The following JAG1 variants were observed in gnomAD, a reference collection of about 807,000 sequenced individuals.
JAG1 encodes the protein protein jagged-1.
In JAG1, 23 loss-of-function variants were observed where a neutral mutation model predicts 148.7. That is an observed-to-expected ratio of 0.15 (90% CI 0.11 to 0.22). The LOEUF (loss-of-function observed/expected upper bound fraction) is 0.22. JAG1 is among the 10% of genes least tolerant of loss of function. The pLI is 1.00. For synonymous variants in JAG1, 572 were observed against 598.3 expected, an observed-to-expected ratio of 0.96 and a Z score of 0.64; for missense variants, 1,054 against 1,611.2, an observed-to-expected ratio of 0.65 and a Z score of 5.92.
chr20:10,643,687 G>T (rs1392638792), intron 20 of JAG1, 91 bp downstream of exon 20: 5 of 979,154 alleles, frequency 5.1e-6, no homozygotes, highest in Non-Finnish European at 8.1e-6. Context: ...AAAGGGAATG[G>T]TGGCTTTGTT....
rs1351759963 is a variant in JAG1 at position 10,638,197 on chromosome 20, T to A, written c.*1301A>T. On this transcript the variant is annotated 3_prime_UTR_variant, in exon 26 of 26. Transcript: ENST00000254958. ...ATTTCCTCACTTAAGGCAGGCAGTG[T>A]ACTCTATGGCAAATCTAAACAGTGA... 6.6e-6 allele frequency: 1 copy of A among 152,600 alleles called. No individual in the cohort carries two copies. Among genetic ancestry groups the A allele is most frequent in the Non-Finnish European group, 1.5e-5 (1 of 68,020 alleles). 9.5% of individuals were successfully genotyped at this position (152,600 alleles called of 1,614,324 possible).
chr20:10,657,438 TC>T, intron 4 of JAG1, among the ~76,000 whole-genome samples: 1 of 152,174 alleles, frequency 6.6e-6, no homozygotes, highest in East Asian at 1.9e-4. Flanking sequence ...GTTAATGAAT[TC>T]CCCTTTTCAT....
rs997193086 is a variant in JAG1 at position 10,645,136 on chromosome 20, A to T, written c.2227+7T>A. On this transcript the variant is annotated splice_region_variant and intron_variant, in intron 17 of 25. Transcript: ENST00000254958. The surrounding 1 kb of genome is among the most constrained non-coding windows in gnomAD (Gnocchi z 6.1). ...CACTGCAGATCCCACGTGGGGCATAAAGTTACCTATGTTACAGGTTGTTCC... is the reference window on the plus strand; with the variant it reads ...CACTGCAGATCCCACGTGGGGCATATAGTTACCTATGTTACAGGTTGTTCC... 4 of 1,610,286 alleles carry T rather than the reference A, an allele frequency of 2.5e-6. No individual in the cohort carries two copies. In the Admixed American group the frequency reaches 5.0e-5, roughly 20 times the overall value.
rs148373907 is a variant in JAG1 at position 10,639,812 on chromosome 20, C to T, written c.3343G>A (p.Val1115Met). Residue 1115 changes from valine to methionine, a missense_variant, in exon 26 of 26, where the codon GTG becomes ATG. Coordinates refer to ENST00000254958, the MANE Select transcript of JAG1 (RefSeq NM_000214.3). ...TTGATCTGGTTCAGCTGCTCCCGCA[C>T]GTTGTTGGTGGTGTTGTCCTCAGAG... is the stretch of plus-strand genomic sequence containing the variant. ...SASEDNTTNN[V>M]REQLNQIKNP... 1.1e-4 allele frequency: 178 copies of T among 1,614,064 alleles called. No homozygotes were observed. Among genetic ancestry groups the T allele is most frequent in the Non-Finnish European group, 1.4e-4 (161 of 1,180,040 alleles).
intron 21 of JAG1, 89 bp downstream of exon 21, chr20:10,642,399 C>T: frequency 1.3e-6 from 1 of 759,928 alleles, no homozygotes; most frequent in East Asian, 2.6e-5. Flanking sequence ...TCCCTGAGCA[C>T]AGTGGCTTAT....
At position 10,645,718 on chromosome 20, in the gene JAG1, T is replaced by C. The variant is rs1490336984; in HGVS notation, c.2000-249A>G. On this transcript the variant is annotated intron_variant, in intron 15 of 25. Transcript: ENST00000254958. The surrounding 1 kb of genome is among the most constrained non-coding windows in gnomAD (Gnocchi z 6.1). ...TCCCATGGAAATGAAAGTAGAAATA[T>C]GACTTTCCTTGCAAGCAGGAATATT... is the stretch of plus-strand genomic sequence containing the variant. 20 of 617,126 alleles carry C rather than the reference T, an allele frequency of 3.2e-5. No individual in the cohort carries two copies. Among genetic ancestry groups the C allele is most frequent in the Non-Finnish European group, 2.3e-5 (8 of 349,446 alleles). 38.2% of individuals were successfully genotyped at this position (617,126 alleles called of 1,614,324 possible).
chr20:10,640,030 A>G (rs2067259389), intron 25 of JAG1, 75 bp from the exon 26 acceptor site: 4 of 1,190,384 alleles, frequency 3.4e-6, no homozygotes, highest in African/African-American at 1.5e-5. Context: ...ACAAAAGAAT[A>G]CCAACAGTGG....
intron 20 of JAG1, 41 bp from the exon 21 acceptor site, chr20:10,642,642 T>C (rs1454402512): frequency 8.6e-7 from 1 of 1,158,126 alleles, no homozygotes; most frequent in South Asian, 1.2e-5. Flanking sequence ...TGATGGTGTG[T>C]GGCAATGTTT....
At chr20:10,653,630 A>C (rs1472667064) in intron 5 of JAG1, among the ~76,000 whole-genome samples, 1 of 151,684 alleles carries the variant, frequency 6.6e-6, no homozygotes, top group Non-Finnish European at 1.5e-5. Flanking sequence ...TGTTTCCAGA[A>C]CGGGACCTGG....
Position 10,672,858 on chromosome 20 carries a change from A to G in JAG1, c.230T>C (p.Val77Ala). 6.2e-7 allele frequency: 1 copy of G among 1,613,318 alleles called. No individual in the cohort carries two copies. Among genetic ancestry groups the G allele is most frequent in the Non-Finnish European group, 8.5e-7 (1 of 1,180,046 alleles). The stretch of plus-strand genomic sequence containing the variant: ...GCGGGACTGATACTCCTTGAGGCAC[A>G]CTTTGAAGTATGTGTCACACTCGTC... ...TRDECDTYFK[V>A]CLKEYQSRVT... Residue 77 changes from valine to alanine, a missense_variant, in exon 2 of 26, where the codon GTG becomes GCG. By Grantham distance (64) the Val-to-Ala change is moderately conservative. Coordinates refer to ENST00000254958, the MANE Select transcript of JAG1 (RefSeq NM_000214.3).
chr20:10,645,646 C>T lies in JAG1; in HGVS notation c.2000-177G>A, dbSNP rs1600181940. On this transcript the variant is annotated intron_variant, in intron 15 of 25. Transcript: ENST00000254958. This position sits in a 1 kb window ranked among gnomAD's most constrained non-coding sequence, Gnocchi z 6.1. ...AATAAAGGAGCTCCCAACTGGGTTA[C>T]TTTGAATGCCACAAGTTAGGCAAGA... is the stretch of plus-strand genomic sequence containing the variant. The T allele has an allele frequency of 2.4e-5, 16 of 670,156 alleles. No individual in the cohort carries two copies. In the East Asian group the frequency reaches 4.3e-4, roughly 18 times the overall value. 41.5% of individuals were successfully genotyped at this position (670,156 alleles called of 1,614,324 possible). A position where few individuals can be genotyped will look rare whatever the true frequency, so the allele number is the denominator to read the frequency against.
chr20:10,669,294 C>T (rs560847340), intron 2 of JAG1, among the ~76,000 whole-genome samples: 6 of 151,948 alleles, frequency 3.9e-5, no homozygotes, highest in African/African-American at 1.2e-4. Context: ...GCTGACTACA[C>T]GGGCAGGATG....
Position 10,652,706 on chromosome 20 carries a change from G to C in JAG1, c.756-108C>G, listed in dbSNP as rs962136543. ...CCAGGCTTTTTCTGTTTTGTTTCTG[G>C]GGACAGGAAGGTAGACTCCCAAGGC... On this transcript the variant is annotated intron_variant, in intron 5 of 25. Coordinates refer to ENST00000254958, the MANE Select transcript of JAG1 (RefSeq NM_000214.3). The C allele has an allele frequency of 4.3e-5, 52 of 1,215,666 alleles. No individual in the cohort carries two copies. In the South Asian group the frequency reaches 6.4e-4, roughly 15 times the overall value. 75.3% of individuals were successfully genotyped at this position (1,215,666 alleles called of 1,614,324 possible). A position where few individuals can be genotyped will look rare whatever the true frequency, so the allele number is the denominator to read the frequency against.
intron 7 of JAG1, 79 bp downstream of exon 7, chr20:10,652,052 C>G: frequency 6.7e-7 from 1 of 1,500,740 alleles, no homozygotes; most frequent in South Asian, 1.1e-5. Context: ...TTTCCTTAAA[C>G]AAGTCCTTAA....
chr20:10,672,274 G>T (rs772917422), intron 2 of JAG1, among the ~76,000 whole-genome samples: 52 of 152,276 alleles, frequency 3.4e-4, no homozygotes, highest in Middle Eastern at 6.8e-3. Context: ...AGGGGAGGTT[G>T]CCAATTTGGA....
At position 10,638,679 on chromosome 20, in the gene JAG1, T is replaced by A. The variant is rs2067248909; in HGVS notation, c.*819A>T. ...TCAGTATTCTGGGCACAGAAGCCCA[T>A]CCTATTGTTTTAAAATAAACTATTT... On this transcript the variant is annotated 3_prime_UTR_variant, in exon 26 of 26. Transcript: ENST00000254958. 1 of 152,612 alleles carries A rather than the reference T, an allele frequency of 6.6e-6. No individual in the cohort carries two copies. The highest frequency in any genetic ancestry group is 6.5e-5 in the Admixed American group (1 of 15,282). The allele number at this position is 152,612 out of a possible 1,614,324, so 9.5% of individuals were successfully genotyped here.
intron 9 of JAG1, 26 bp from the exon 10 acceptor site, chr20:10,649,661 A>C: frequency 7.2e-7 from 1 of 1,397,694 alleles, no homozygotes; most frequent in Non-Finnish European, 1.0e-6. Context: ...GATGAGCATG[A>C]GAAATGAAGT....
chr20:10,645,024 A>G lies in JAG1; in HGVS notation c.2228-45T>C. 6.4e-7 allele frequency: 1 copy of G among 1,562,180 alleles called. No individual in the cohort carries two copies. The highest frequency in any genetic ancestry group is 8.8e-7 in the Non-Finnish European group (1 of 1,132,634). On this transcript the variant is annotated intron_variant, in intron 17 of 25. Coordinates refer to ENST00000254958, the MANE Select transcript of JAG1 (RefSeq NM_000214.3). This position sits in a 1 kb window ranked among gnomAD's most constrained non-coding sequence, Gnocchi z 6.1. ...ACGACCACCCTCCCTGAGTATCCAG[A>G]AACAGTCTGGAGGGGCAAGAACCAG...
At chr20:10,653,651 G>A (rs995159447) in intron 5 of JAG1, among the ~76,000 whole-genome samples, 1 of 151,898 alleles carries the variant, frequency 6.6e-6, no homozygotes, top group Non-Finnish European at 1.5e-5. Flanking sequence ...GAAAAGCCAC[G>A]ATCAGCGCCA....
Sources: gnomAD v4.1 joint callset for allele counts (sites outside exome capture counted in the v4.1 genomes callset) on GRCh38, gnomAD v4.1.1 for gene constraint, Gnocchi (gnomAD v3.1) non-coding constraint, MANE v1.5 for transcripts, NCBI Gene and HGNC (gene_info 2026-07-23, HGNC 2026-07-21) for gene names.